Variants in LUC7L2 observed in about 807,000 individuals in gnomAD.
LUC7L2 encodes the protein putative RNA-binding protein Luc7-like 2.
LUC7L2 carries 25 observed loss-of-function variants against 52.8 expected under a neutral mutation model. The observed-to-expected ratio is 0.47, with a 90% CI of 0.34 to 0.66. The LOEUF (loss-of-function observed/expected upper bound fraction) is 0.66. LUC7L2 is among the 30% of genes least tolerant of loss of function. The pLI is 0.01. For synonymous variants in LUC7L2, 144 were observed against 160.9 expected, an observed-to-expected ratio of 0.89 and a Z score of 0.80; for missense variants, 328 against 497.8, an observed-to-expected ratio of 0.66 and a Z score of 3.25.
rs74698179 is a variant in LUC7L2 at position 139,375,660 on chromosome 7, G to A, written c.62-402G>A. ...AAAATATATCAATGCTTAGTGTCAA[G>A]AAGGGAACATTGTATACCAGTATAA... On this transcript the variant is annotated intron_variant, in intron 1 of 9. Coordinates refer to ENST00000354926, the MANE Select transcript of LUC7L2 (RefSeq NM_016019.5). The A allele has an allele frequency of 1.8e-5, 17 of 968,954 alleles. No homozygotes were observed. The East Asian group carries it at 1.7e-3, about 97-fold the overall frequency. The allele number at this position is 968,954 out of a possible 1,614,324, so 60.0% of individuals were successfully genotyped here.
At chr7:139,406,514 G>A (rs1795121179) in intron 5 of LUC7L2, among the ~76,000 whole-genome samples, 1 of 151,244 alleles carries the variant, frequency 6.6e-6, no homozygotes, top group Non-Finnish European at 1.5e-5. Flanking sequence ...CACCATGCCC[G>A]GCTAATTTTT....
At chr7:139,388,835 A>G (rs1159649407) in intron 2 of LUC7L2, among the ~76,000 whole-genome samples, 3 of 151,868 alleles carry the variant, frequency 2.0e-5, no homozygotes, top group Admixed American at 1.3e-4. Context: ...TTTTCTTTCC[A>G]CACTTAATTT....
At chr7:139,342,376 G>C (rs1361122356) in intron 1 of LUC7L2, among the ~76,000 whole-genome samples, 1 of 152,102 alleles carries the variant, frequency 6.6e-6, no homozygotes, top group Non-Finnish European at 1.5e-5. Context: ...TTGGGGTTAG[G>C]GTCCAGGTTT....
At chr7:139,392,389 A>G (rs761084916) in intron 2 of LUC7L2, 8 of 374,200 alleles carry the variant, frequency 2.1e-5, no homozygotes, top group South Asian at 1.6e-4. Flanking sequence ...TTTCAAAAGA[A>G]AAGTTAAAAA....
chr7:139,407,762 G>C (rs1323200676), intron 6 of LUC7L2, among the ~76,000 whole-genome samples: 3 of 152,122 alleles, frequency 2.0e-5, no homozygotes, highest in African/African-American at 7.2e-5. Flanking sequence ...CAAGCTTGCA[G>C]AATCTCTAGT....
chr7:139,358,869 C>G (rs1442090814), upstream of LUC7L2, among the ~76,000 whole-genome samples: 1 of 152,070 alleles, frequency 6.6e-6, no homozygotes, highest in Non-Finnish European at 1.5e-5. Flanking sequence ...TTAGTAGAGA[C>G]AGGGTTTCAC....
At chr7:139,383,735 C>A (rs1280233025) in intron 2 of LUC7L2, among the ~76,000 whole-genome samples, 2 of 121,168 alleles carry the variant, frequency 1.7e-5, no homozygotes, top group Admixed American at 7.9e-5. Flanking sequence ...TTTTTTTTTT[C>A]TTTTTTCTTT....
intron 1 of LUC7L2, chr7:139,345,490 T>A: frequency 6.2e-7 from 1 of 1,614,134 alleles, no homozygotes; most frequent in Non-Finnish European, 8.5e-7. Flanking sequence ...TCTGACTTGC[T>A]GCTTCTCTAG....
chr7:139,383,995 C>A (rs1239087189), intron 2 of LUC7L2, among the ~76,000 whole-genome samples: 1 of 121,058 alleles, frequency 8.3e-6, no homozygotes, highest in African/African-American at 6.6e-5. Flanking sequence ...AGTGACCCAC[C>A]CACCTTGGCG....
intron 1 of LUC7L2, among the ~76,000 whole-genome samples, chr7:139,353,853 G>A (rs932774464): frequency 3.3e-5 from 5 of 152,078 alleles, no homozygotes; most frequent in South Asian, 2.1e-4. Flanking sequence ...GGTGGCTCAC[G>A]CCTGTAATCC....
Position 139,360,134 on chromosome 7 carries a change from C to T in LUC7L2, c.-128C>T. ...CGCAACCCCTCCGGCTCCCTTTCCG[C>T]ACGCCTCGAGGCGGCGGCGGCCACC... is the stretch of plus-strand genomic sequence containing the variant. On this transcript the variant is annotated 5_prime_UTR_variant, in exon 1 of 10. Coordinates refer to ENST00000354926, the MANE Select transcript of LUC7L2 (RefSeq NM_016019.5). The T allele has an allele frequency of 1.6e-6, 1 of 641,888 alleles. No homozygotes were observed. The highest frequency in any genetic ancestry group is 2.6e-6 in the Non-Finnish European group (1 of 379,086). The allele number at this position is 641,888 out of a possible 1,614,324, so 39.8% of individuals were successfully genotyped here. A position where few individuals can be genotyped will look rare whatever the true frequency, so the allele number is the denominator to read the frequency against.
At chr7:139,345,647 T>C in intron 1 of LUC7L2, 1 of 1,614,142 alleles carries the variant, frequency 6.2e-7, no homozygotes, top group Non-Finnish European at 8.5e-7. Flanking sequence ...AGGAGTCTGC[T>C]GGCTTGGTGG....
At chr7:139,350,684 T>C (rs73154130) in intron 1 of LUC7L2, among the ~76,000 whole-genome samples, 18 of 80,852 alleles carry the variant, frequency 2.2e-4, no homozygotes, top group African/African-American at 3.9e-4. Flanking sequence ...CATTCTTCTT[T>C]TTTTTTTTTT....
intron 1 of LUC7L2, among the ~76,000 whole-genome samples, chr7:139,369,662 T>A (rs550006336): frequency 1.3e-5 from 2 of 152,154 alleles, no homozygotes; most frequent in East Asian, 1.9e-4. Flanking sequence ...TCTTGTGATA[T>A]GGATTTTCAC....
intron 2 of LUC7L2, among the ~76,000 whole-genome samples, chr7:139,396,247 G>A (rs1479824726): frequency 6.6e-6 from 1 of 151,966 alleles, no homozygotes; most frequent in Non-Finnish European, 1.5e-5. Context: ...AGACCAGCCT[G>A]GGCAAGATAG....
At position 139,422,600 on chromosome 7, in the gene LUC7L2, C is replaced by T. The variant is rs1795952313; in HGVS notation, c.*260C>T. ...TAAGATGCTGATCTCTTTATTCTTT[C>T]AAGTAAGAGTGCTAGTGAACAAATT... is the stretch of plus-strand genomic sequence containing the variant. On this transcript the variant is annotated 3_prime_UTR_variant, in exon 10 of 10. Coordinates refer to ENST00000354926, the MANE Select transcript of LUC7L2 (RefSeq NM_016019.5). 1.4e-6 allele frequency: 1 copy of T among 693,248 alleles called. No homozygotes were observed. Among genetic ancestry groups the T allele is most frequent in the Admixed American group, 4.2e-5 (1 of 23,808 alleles). The allele number at this position is 693,248 out of a possible 1,614,324, so 42.9% of individuals were successfully genotyped here.
In LUC7L2 at chr7:139,405,632, ATTTC is replaced by A; in HGVS notation, c.367-8_367-5del. Reference sequence around the variant, plus strand: ...TTGTTTATTCATGATCTTCTTTTTTATTTCTTTTTAGGCAGAACGTGTTCATGAG... The same window carrying A: ...TTGTTTATTCATGATCTTCTTTTTTATTTTTAGGCAGAACGTGTTCATGAG... On this transcript the variant is annotated splice_region_variant and splice_polypyrimidine_tract_variant and intron_variant, in intron 4 of 9. Transcript: ENST00000354926. 6.4e-7 allele frequency: 1 copy of A among 1,573,806 alleles called. No homozygotes were observed. The highest frequency in any genetic ancestry group is 8.6e-7 in the Non-Finnish European group (1 of 1,167,736).
intron 2 of LUC7L2, among the ~76,000 whole-genome samples, chr7:139,388,007 T>C (rs1379539745): frequency 6.6e-6 from 1 of 152,128 alleles, no homozygotes; most frequent in African/African-American, 2.4e-5. Context: ...TTACACTCTT[T>C]TCTTCTGCCT....
intron 2 of LUC7L2, among the ~76,000 whole-genome samples, chr7:139,389,465 A>G (rs1351016026): frequency 6.6e-6 from 1 of 151,922 alleles, no homozygotes; most frequent in African/African-American, 2.4e-5. Flanking sequence ...CCCGATAGGA[A>G]ATACTGTATT....
Sources: gnomAD v4.1 joint callset for allele counts (sites outside exome capture counted in the v4.1 genomes callset) on GRCh38, gnomAD v4.1.1 for gene constraint, MANE v1.5 for transcripts, NCBI Gene and HGNC (gene_info 2026-07-23, HGNC 2026-07-21) for gene names.